PAPPA: variants seen among roughly 807,000 people sequenced by gnomAD.
PAPPA encodes the protein pappalysin 1.
A neutral mutation model predicts 164.0 loss-of-function variants in PAPPA; 60 were observed. The observed-to-expected ratio is 0.37, with a 90% CI of 0.30 to 0.45. PAPPA has a LOEUF of 0.45. Ranked by LOEUF, PAPPA falls within the 20% of genes least tolerant of loss-of-function variation. The probability of loss-of-function intolerance (pLI) is 1.00; values close to 1 mark genes in which losing one functional copy is unlikely to be tolerated. For synonymous variants in PAPPA, 875 were observed against 814.1 expected (o/e 1.07, Z -1.27); for missense variants, 1,782 against 2,087.3 (o/e 0.85, Z 2.85).
intron 13 of PAPPA, 137 bp downstream of exon 13, chr9:116,335,211 T>A: frequency 1.4e-6 from 1 of 704,432 alleles, no homozygotes; most frequent in Non-Finnish European, 2.4e-6. Flanking sequence ...CTCTGGCCTC[T>A]GGCCGGCTCT....
intron 1 of PAPPA, among the ~76,000 whole-genome samples, chr9:116,156,063 T>C (rs942213004): frequency 1.3e-4 from 20 of 151,472 alleles, no homozygotes; most frequent in African/African-American, 4.8e-4. Context: ...TGTTGACTTC[T>C]CTTTCCAAAC....
intron 21 of PAPPA, among the ~76,000 whole-genome samples, chr9:116,389,710 T>TTCAAG (rs1433703406): frequency 6.6e-6 from 1 of 152,000 alleles, no homozygotes; most frequent in Non-Finnish European, 1.5e-5. Context: ...CTTCACCTCT[T>TTCAAG]TCAAGTCTTT....
In PAPPA at chr9:116,257,595, G is replaced by A. The variant is rs191067781; in HGVS notation, c.2733-8262G>A. ...CGGGCGCCTGTAGTCCCAGCTACTC[G>A]GGAGGCTGAGGCAGGAGAATGGCGT... is the stretch of plus-strand genomic sequence containing the variant. On this transcript the variant is annotated intron_variant, in intron 7 of 21. Coordinates refer to ENST00000328252, the MANE Select transcript of PAPPA (RefSeq NM_002581.5). Among the ~76,000 whole-genome samples, 893 of 151,998 alleles carry A rather than the reference G, an allele frequency of 5.9e-3. 9 individuals are homozygous for A. Among genetic ancestry groups the A allele is most frequent in the African/African-American group, 0.02 (841 of 41,552 alleles).
At chr9:116,208,797 A>G (rs548600049) in intron 3 of PAPPA, among the ~76,000 whole-genome samples, 87 of 152,196 alleles carry the variant, frequency 5.7e-4, no homozygotes, top group Admixed American at 1.0e-3. Flanking sequence ...CTCATTTCTC[A>G]ATTGTTTTTT....
intron 1 of PAPPA, among the ~76,000 whole-genome samples, chr9:116,173,328 C>G (rs1166918939): frequency 1.3e-5 from 2 of 152,172 alleles, no homozygotes; most frequent in African/African-American, 4.8e-5. Context: ...TCACCCTCTT[C>G]ATTAATGAGT....
intron 19 of PAPPA, among the ~76,000 whole-genome samples, chr9:116,374,433 C>T (rs1351978469): frequency 2.0e-5 from 3 of 152,164 alleles, no homozygotes; most frequent in African/African-American, 7.2e-5. Flanking sequence ...ACAGCCTAGC[C>T]AATCCTTCAG....
intron 6 of PAPPA, among the ~76,000 whole-genome samples, chr9:116,233,899 G>T (rs1844628372): frequency 6.6e-6 from 1 of 151,886 alleles, no homozygotes; most frequent in South Asian, 2.1e-4. Context: ...GAAAAAAAAA[G>T]AATGTGGCTA....
rs142951001 is a variant in PAPPA at position 116,382,009 on chromosome 9, T to C, written c.4678-386T>C. Among the ~76,000 whole-genome samples the C allele has an allele frequency of 2.3e-3, 343 of 152,326 alleles. 3 individuals are homozygous for C. The Middle Eastern group carries it at 0.048, about 21-fold the overall frequency. The stretch of plus-strand genomic sequence containing the variant: ...ATTACAAATTACGTTTTTAATTACA[T>C]ACTGCTGAAAAAAGTGGGAGAAGGA... On this transcript the variant is annotated intron_variant, in intron 20 of 21. Coordinates refer to ENST00000328252, the MANE Select transcript of PAPPA (RefSeq NM_002581.5).
At chr9:116,222,419 G>A (rs886553248) in intron 5 of PAPPA, among the ~76,000 whole-genome samples, 7 of 151,990 alleles carry the variant, frequency 4.6e-5, no homozygotes, top group East Asian at 1.9e-4. Flanking sequence ...TCAACTTACC[G>A]TATTTTCAAC....
In PAPPA at chr9:116,332,780, C is replaced by T. The variant is rs189883794; in HGVS notation, c.3397+312C>T. Reference sequence around the variant, plus strand: ...GAGAGAGACTGAGTAAGAGCCATTTCCCCGTTGTACATGTCACCATCTGAG... The same window carrying T: ...GAGAGAGACTGAGTAAGAGCCATTTTCCCGTTGTACATGTCACCATCTGAG... On this transcript the variant is annotated intron_variant, in intron 12 of 21. Transcript: ENST00000328252. The T allele has an allele frequency of 1.1e-3, 245 of 225,846 alleles. 1 individual carries two copies. The highest frequency in any genetic ancestry group is 8.1e-3 in the Middle Eastern group (5 of 620). 14.0% of individuals were successfully genotyped at this position (225,846 alleles called of 1,614,324 possible).
chr9:116,308,481 T>C (rs1587997134), intron 10 of PAPPA, among the ~76,000 whole-genome samples: 2 of 152,356 alleles, frequency 1.3e-5, no homozygotes, highest in East Asian at 1.9e-4. Flanking sequence ...GTTTTCATTT[T>C]ACAGATTAGG....
At chr9:116,306,132 GA>G (rs1168127836) in intron 10 of PAPPA, among the ~76,000 whole-genome samples, 1 of 152,138 alleles carries the variant, frequency 6.6e-6, no homozygotes, top group Non-Finnish European at 1.5e-5. Context: ...TGATAAATGC[GA>G]AGGTGTTTAT....
chr9:116,277,870 G>A (rs1453496417), intron 9 of PAPPA, among the ~76,000 whole-genome samples: 1 of 152,060 alleles, frequency 6.6e-6, no homozygotes, highest in Non-Finnish European at 1.5e-5. Flanking sequence ...GTTTCACCAT[G>A]TCGGACAGGC....
chr9:116,385,404 C>T (rs1013285359), intron 21 of PAPPA, among the ~76,000 whole-genome samples: 2 of 151,972 alleles, frequency 1.3e-5, no homozygotes, highest in African/African-American at 4.8e-5. Context: ...CCTCAGCCTC[C>T]CAAAGTGCTG....
Position 116,396,823 on chromosome 9 carries a change from C to T in PAPPA, c.*207C>T. Reference sequence around the variant, plus strand: ...CCATGCTGGATGATGAAATGGATTCCCATCCCAAAGTCTGAGATGGATTGC... The same window carrying T: ...CCATGCTGGATGATGAAATGGATTCTCATCCCAAAGTCTGAGATGGATTGC... On this transcript the variant is annotated 3_prime_UTR_variant, in exon 22 of 22. Coordinates refer to ENST00000328252, the MANE Select transcript of PAPPA (RefSeq NM_002581.5). The T allele has an allele frequency of 3.4e-6, 2 of 581,352 alleles. No individual in the cohort carries two copies. Among genetic ancestry groups the T allele is most frequent in the East Asian group, 2.8e-5 (1 of 35,468 alleles). 36.0% of individuals were successfully genotyped at this position (581,352 alleles called of 1,614,324 possible). A position where few individuals can be genotyped will look rare whatever the true frequency, so the allele number is the denominator to read the frequency against.
At chr9:116,284,959 C>T (rs927861330) in intron 9 of PAPPA, among the ~76,000 whole-genome samples, 6 of 151,932 alleles carry the variant, frequency 3.9e-5, no homozygotes, top group African/African-American at 1.5e-4. Context: ...TTGCTTGCCC[C>T]AATCTACCTG....
chr9:116,193,869 T>A (rs545070370), intron 2 of PAPPA, among the ~76,000 whole-genome samples: 14 of 152,180 alleles, frequency 9.2e-5, no homozygotes, highest in Admixed American at 2.0e-4. Context: ...AAGGCTTCCA[T>A]GAGCTCTGAG....
Position 116,394,712 on chromosome 9 carries a change from C to T in PAPPA, c.4777-1797C>T, listed in dbSNP as rs565000977. On this transcript the variant is annotated intron_variant, in intron 21 of 21. Transcript: ENST00000328252. ...GAGGATGGAAAGTAAATGTCCTAAA[C>T]AGAGAACAGCAAGTAGCTGTGAGCA... is the stretch of plus-strand genomic sequence containing the variant. Among the ~76,000 whole-genome samples, 147 of 152,262 alleles carry T rather than the reference C, an allele frequency of 9.7e-4. 1 individual carries two copies. Among genetic ancestry groups the T allele is most frequent in the Non-Finnish European group, 1.5e-3 (100 of 68,022 alleles).
chr9:116,154,605 G>C lies in PAPPA; in HGVS notation c.415+18G>C. On this transcript the variant is annotated intron_variant, in intron 1 of 21. Transcript: ENST00000328252. The surrounding 1 kb of genome is among the most constrained non-coding windows in gnomAD (Gnocchi z 5.2). ...GATCACAGGTAGGTGAGGGCGCCTCGGCGGGCGCTGCACCGTCCCTGCGGC... is the reference window on the plus strand; with the variant it reads ...GATCACAGGTAGGTGAGGGCGCCTCCGCGGGCGCTGCACCGTCCCTGCGGC... 1 of 1,332,796 alleles carries C rather than the reference G, an allele frequency of 7.5e-7. No homozygotes were observed. The allele number at this position is 1,332,796 out of a possible 1,614,324, so 82.6% of individuals were successfully genotyped here. A position where few individuals can be genotyped will look rare whatever the true frequency, so the allele number is the denominator to read the frequency against.
Sources: gnomAD v4.1 joint callset for allele counts (sites outside exome capture counted in the v4.1 genomes callset) on GRCh38, gnomAD v4.1.1 for gene constraint, Gnocchi (gnomAD v3.1) non-coding constraint, MANE v1.5 for transcripts, NCBI Gene and HGNC (gene_info 2026-07-23, HGNC 2026-07-21) for gene names.